AEBP2: variants seen among roughly 807,000 people sequenced by gnomAD.
The protein encoded by AEBP2 is zinc finger protein AEBP2.
Under a neutral mutation model 50.8 loss-of-function variants are expected in AEBP2, and 10 were observed. That is an observed-to-expected ratio of 0.20 (90% CI 0.12 to 0.33). The LOEUF (loss-of-function observed/expected upper bound fraction) is 0.33, where lower values mean the gene tolerates loss of function less well. Among genes scored for constraint, AEBP2 ranks in the 10% least tolerant of loss-of-function variants. The pLI is 1.00. For synonymous variants in AEBP2, 296 were observed against 261.3 expected (o/e 1.13, Z -1.28); for missense variants, 570 against 688.0 (o/e 0.83, Z 1.92).
chr12:19,440,472 C>G, intron 1 of AEBP2, 102 bp downstream of exon 1: 1 of 1,409,836 alleles, frequency 7.1e-7, no homozygotes, highest in Non-Finnish European at 9.2e-7. Flanking sequence ...CCCTGCTCCC[C>G]GAATCCTCGG....
intron 1 of AEBP2, among the ~76,000 whole-genome samples, chr12:19,415,316 C>CA (rs869125193): frequency 3.4e-5 from 2 of 59,546 alleles, no homozygotes; most frequent in Admixed American, 3.4e-4. Context: ...GACCCTGTCT[C>CA]AAAAAAAAAA....
At chr12:19,485,708 C>CAAAAAAA (rs35033010) in intron 3 of AEBP2, among the ~76,000 whole-genome samples, 2 of 124,774 alleles carry the variant, frequency 1.6e-5, no homozygotes, top group Non-Finnish European at 1.6e-5. Flanking sequence ...GACCCTGTCT[C>CAAAAAAA]AAAAAAAAAA....
chr12:19,446,283 C>A (rs1948064421), intron 1 of AEBP2, among the ~76,000 whole-genome samples: 1 of 152,144 alleles, frequency 6.6e-6, no homozygotes, highest in Non-Finnish European at 1.5e-5. Context: ...TTATTGTATT[C>A]TGTTTTTTCT....
intron 3 of AEBP2, among the ~76,000 whole-genome samples, chr12:19,484,297 G>T (rs1948774274): frequency 7.9e-6 from 1 of 126,444 alleles, no homozygotes. Context: ...TAGAGATGGG[G>T]TTTCACTACA....
At chr12:19,427,605 CA>C (rs1166837767) in intron 1 of AEBP2, among the ~76,000 whole-genome samples, 3 of 151,136 alleles carry the variant, frequency 2.0e-5, no homozygotes, top group African/African-American at 7.3e-5. Context: ...AGCGAATTTC[CA>C]TAATAAGTAA....
intron 1 of AEBP2, among the ~76,000 whole-genome samples, chr12:19,442,552 G>C (rs926398152): frequency 6.6e-6 from 1 of 152,178 alleles, no homozygotes. Flanking sequence ...ATATTTACTT[G>C]AGTATATAAT....
intron 1 of AEBP2, among the ~76,000 whole-genome samples, chr12:19,426,752 A>C (rs2095748742): frequency 6.6e-6 from 1 of 151,982 alleles, no homozygotes; most frequent in Non-Finnish European, 1.5e-5. Context: ...AAAAATACAA[A>C]AATTAGCCGG....
intron 1 of AEBP2, among the ~76,000 whole-genome samples, chr12:19,447,275 A>T (rs750398132): frequency 2.0e-4 from 31 of 152,194 alleles, no homozygotes; most frequent in Non-Finnish European, 4.1e-4. Flanking sequence ...TTCACATTCA[A>T]GTCTTACGTT....
intron 5 of AEBP2, among the ~76,000 whole-genome samples, chr12:19,501,052 G>A (rs1949065402): frequency 6.6e-6 from 1 of 152,114 alleles, no homozygotes; most frequent in Non-Finnish European, 1.5e-5. Flanking sequence ...AATACAGGCC[G>A]GGCGTGGTGG....
At chr12:19,483,412 C>A (rs1327668233) in intron 3 of AEBP2, among the ~76,000 whole-genome samples, 1 of 152,154 alleles carries the variant, frequency 6.6e-6, no homozygotes, top group Admixed American at 6.6e-5. Context: ...CTCTCTTACA[C>A]TTTGGGAACT....
In AEBP2 at chr12:19,440,077, G is replaced by C. The variant is rs1947921441; in HGVS notation, c.378G>C (p.Val126=). The C allele has an allele frequency of 6.6e-7, 1 of 1,512,550 alleles. No homozygotes were observed. Among genetic ancestry groups the C allele is most frequent in the Non-Finnish European group, 8.8e-7 (1 of 1,136,440 alleles). 93.7% of individuals were successfully genotyped at this position (1,512,550 alleles called of 1,614,324 possible). A position where few individuals can be genotyped will look rare whatever the true frequency, so the allele number is the denominator to read the frequency against. The part of the protein sequence containing the change: ...GEEESSAESL[V]GSSGGSSSDE... The stretch of plus-strand genomic sequence containing the variant: ...AGGAGAGTAGCGCCGAGAGCCTGGT[G>C]GGCAGCAGCGGCGGGAGCAGCAGCG... Residue 126 remains valine (V), a synonymous_variant, in exon 1 of 8, where the codon GTG becomes GTC. Transcript: ENST00000266508.
At chr12:19,485,674 C>G (rs1187214547) in intron 3 of AEBP2, among the ~76,000 whole-genome samples, 1 of 137,722 alleles carries the variant, frequency 7.3e-6, no homozygotes, top group African/African-American at 2.8e-5. Context: ...GCACTCCAGC[C>G]TGGGTGACAG....
chr12:19,410,375 A>G (rs1369945612), intron 1 of AEBP2, among the ~76,000 whole-genome samples: 1 of 152,166 alleles, frequency 6.6e-6, no homozygotes, highest in Non-Finnish European at 1.5e-5. Flanking sequence ...CCACTTCATT[A>G]CATCAGAGGT....
chr12:19,502,125 G>A (rs1949091307), intron 5 of AEBP2, among the ~76,000 whole-genome samples: 1 of 151,790 alleles, frequency 6.6e-6, no homozygotes, highest in Non-Finnish European at 1.5e-5. Flanking sequence ...ATGTTTTCCT[G>A]TTATTTGTAC....
intron 1 of AEBP2, among the ~76,000 whole-genome samples, chr12:19,426,615 T>C (rs1036852041): frequency 6.6e-6 from 1 of 152,106 alleles, no homozygotes; most frequent in African/African-American, 2.4e-5. Context: ...GGTTAAACAT[T>C]ATTTCTGGCC....
intron 1 of AEBP2, chr12:19,457,336 T>C: frequency 6.7e-7 from 1 of 1,483,472 alleles, no homozygotes; most frequent in Non-Finnish European, 9.3e-7. Context: ...AATCATGTTT[T>C]TGATGAAGTC....
intron 2 of AEBP2, among the ~76,000 whole-genome samples, chr12:19,463,150 A>G (rs540396156): frequency 6.6e-6 from 1 of 152,318 alleles, no homozygotes; most frequent in African/African-American, 2.4e-5. Context: ...TTAAATAACA[A>G]CCTGAACTCA....
In AEBP2 at chr12:19,440,097, G is replaced by A; in HGVS notation, c.398G>A (p.Ser133Asn). 1 of 1,508,000 alleles carries A rather than the reference G, an allele frequency of 6.6e-7. No individual in the cohort carries two copies. The highest frequency in any genetic ancestry group is 8.8e-7 in the Non-Finnish European group (1 of 1,134,656). 93.4% of individuals were successfully genotyped at this position (1,508,000 alleles called of 1,614,324 possible). ...ESLVGSSGGSSSDETRSLSPG... is the reference protein window; with the variant it reads ...ESLVGSSGGSNSDETRSLSPG... ...CTGGTGGGCAGCAGCGGCGGGAGCA[G>A]CAGCGACGAGACCCGCTCGTTGAGC... is the stretch of plus-strand genomic sequence containing the variant. Residue 133 changes from serine (S) to asparagine (N), a missense_variant, in exon 1 of 8, where the codon AGC (serine) becomes AAC (asparagine). Physicochemically the swap from Ser to Asn is conservative, Grantham distance 46 (BLOSUM62 1). Transcript: ENST00000266508.
At chr12:19,460,970 T>A (rs1277202610) in intron 1 of AEBP2, among the ~76,000 whole-genome samples, 1 of 152,148 alleles carries the variant, frequency 6.6e-6, no homozygotes, top group Admixed American at 6.6e-5. Flanking sequence ...TTCTTTTTTT[T>A]TAAGAAGGTA....
Sources: gnomAD v4.1 joint callset for allele counts (sites outside exome capture counted in the v4.1 genomes callset) on GRCh38, gnomAD v4.1.1 for gene constraint, MANE v1.5 for transcripts, NCBI Gene and HGNC (gene_info 2026-07-23, HGNC 2026-07-21) for gene names.